The following MAEA variants were observed in gnomAD, a reference collection of about 807,000 sequenced individuals.
MAEA encodes the protein macrophage erythroblast attacher, E3 ubiquitin ligase.
Under a neutral mutation model 46.2 loss-of-function variants are expected in MAEA, and 22 were observed. The observed-to-expected ratio is 0.48, with a 90% CI of 0.34 to 0.68. MAEA has a LOEUF of 0.68. Among genes scored for constraint, MAEA ranks in the 30% least tolerant of loss-of-function variants. The pLI, the probability that MAEA is intolerant of heterozygous loss-of-function variation, is 0.01. For synonymous variants in MAEA, 246 were observed against 222.6 expected (o/e 1.11, Z -0.94); for missense variants, 393 against 558.1 (o/e 0.70, Z 2.98).
chr4:1,309,783 T>G, intron 1 of MAEA: 1 of 1,431,672 alleles, frequency 7.0e-7, no homozygotes, highest in Non-Finnish European at 9.2e-7. Flanking sequence ...CAGGGCCTTT[T>G]CCCTTGCACT....
chr4:1,339,177 G>T lies in MAEA; in HGVS notation c.*8G>T. 6.2e-7 allele frequency: 1 copy of T among 1,611,306 alleles called. No individual in the cohort carries two copies. The highest frequency in any genetic ancestry group is 1.3e-5 in the African/African-American group (1 of 75,006). ...AAGGTGTACATCATGTAGGCCCCAC[G>T]TCGTGAAGCGCACGCCTCGGGGACG... On this transcript the variant is annotated 3_prime_UTR_variant, in exon 9 of 9. Coordinates refer to ENST00000303400, the MANE Select transcript of MAEA (RefSeq NM_001017405.3).
At chr4:1,320,257 A>C (rs778612649) in intron 3 of MAEA, among the ~76,000 whole-genome samples, 2 of 151,366 alleles carry the variant, frequency 1.3e-5, no homozygotes, top group Non-Finnish European at 2.9e-5. Flanking sequence ...GCAAACGTGC[A>C]AGAAAACTCT....
Position 1,291,000 on chromosome 4 carries a change from CAG to C in MAEA, c.69+1019_69+1020del, listed in dbSNP as rs553228796. 1.6e-3 allele frequency among the ~76,000 whole-genome samples: 243 copies of C among 152,320 alleles called. 3 individuals are homozygous for C. The highest frequency in any genetic ancestry group is 0.014 in the Admixed American group (217 of 15,308). On this transcript the variant is annotated intron_variant, in intron 1 of 8. Transcript: ENST00000303400. ...AGCAGTGGTAGCGCCTGTGTCACCT[CAG>C]GGTGAAATGAGTGACCACGTATTGT...
chr4:1,329,236 A>C (rs1032933867), intron 5 of MAEA: 8 of 985,180 alleles, frequency 8.1e-6, no homozygotes, highest in African/African-American at 7.0e-5. Context: ...TGCCTGTGTT[A>C]CCCTGGCTCC....
intron 3 of MAEA, among the ~76,000 whole-genome samples, chr4:1,320,606 C>G (rs1349187897): frequency 6.7e-6 from 1 of 148,802 alleles, no homozygotes; most frequent in Non-Finnish European, 1.5e-5. Context: ...AGCAAACGTG[C>G]AAGAAAACGC....
intron 3 of MAEA, among the ~76,000 whole-genome samples, chr4:1,318,404 G>C (rs958527608): frequency 1.8e-4 from 28 of 152,246 alleles, no homozygotes; most frequent in African/African-American, 6.5e-4. Flanking sequence ...GCGTAGAGCA[G>C]GGTGGATATG....
intron 1 of MAEA, among the ~76,000 whole-genome samples, chr4:1,298,675 T>TCC (rs1026754272): frequency 6.6e-6 from 1 of 151,966 alleles, no homozygotes; most frequent in Non-Finnish European, 1.5e-5. Flanking sequence ...TCCTCGCGTT[T>TCC]CCCCCCGGGC....
chr4:1,305,869 C>T (rs1735781155), intron 1 of MAEA, among the ~76,000 whole-genome samples: 1 of 152,254 alleles, frequency 6.6e-6, no homozygotes, highest in African/African-American at 2.4e-5. Context: ...GTTCCAGTCT[C>T]AGTCTCAAGG....
intron 3 of MAEA, among the ~76,000 whole-genome samples, chr4:1,320,038 A>C (rs189538191): frequency 6.6e-6 from 1 of 151,602 alleles, no homozygotes; most frequent in African/African-American, 2.4e-5. Flanking sequence ...CCAGAAAAGA[A>C]ATCATCAAAG....
chr4:1,309,929 A>G, intron 1 of MAEA: 1 of 1,286,066 alleles, frequency 7.8e-7, no homozygotes, highest in South Asian at 2.7e-5. Flanking sequence ...TCCCGCGTAG[A>G]ACTTGAATGC....
chr4:1,329,000 G>A (rs1368892258), intron 5 of MAEA: 7 of 987,054 alleles, frequency 7.1e-6, no homozygotes, highest in South Asian at 4.6e-5. Context: ...TCTGGCCTCC[G>A]TGTGGCCTCG....
rs1367161333 is a variant in MAEA, at chr4:1,338,491, G to A, written c.969G>A (p.Lys323=). 4.3e-6 allele frequency: 7 copies of A among 1,613,148 alleles called. No homozygotes were observed. Among genetic ancestry groups the A allele is most frequent in the Non-Finnish European group, 5.1e-6 (6 of 1,179,984 alleles). The change falls in exon 8 of 9, where the codon AAG becomes AAA. Residue 323 remains lysine (K), a synonymous_variant. Transcript: ENST00000303400. ...CTGTGTGCAGCCGCTCCCTGAACAA[G>A]CTGGCGCAGCCCCTGCCCATGGCCC... ...DCPVCSRSLN[K]LAQPLPMAHC...
At chr4:1,338,395 C>A (rs759614138) in intron 7 of MAEA, 27 bp from the exon 8 acceptor site, 1 of 1,593,312 alleles carries the variant, frequency 6.3e-7, no homozygotes, top group Non-Finnish European at 8.6e-7. Context: ...TGAGTGGCCC[C>A]CAACCCTTCC....
At chr4:1,301,989 C>T (rs1266228949) in intron 1 of MAEA, among the ~76,000 whole-genome samples, 2 of 152,202 alleles carry the variant, frequency 1.3e-5, no homozygotes, top group Non-Finnish European at 2.9e-5. Flanking sequence ...CATCCCACCT[C>T]CTTCTATGAG....
intron 1 of MAEA, among the ~76,000 whole-genome samples, chr4:1,305,250 G>A (rs868830608): frequency 3.9e-5 from 6 of 152,240 alleles, no homozygotes; most frequent in Middle Eastern, 3.4e-3. Context: ...ATTGCCAGGT[G>A]TCCCCTGGGG....
At chr4:1,312,468 C>G in intron 2 of MAEA, 1 of 300,912 alleles carries the variant, frequency 3.3e-6, no homozygotes, top group Non-Finnish European at 5.8e-6. Context: ...CCCACTGTGT[C>G]ATTCAGGCTG....
intron 1 of MAEA, among the ~76,000 whole-genome samples, chr4:1,292,566 T>C (rs1734201479): frequency 6.6e-6 from 1 of 152,066 alleles, no homozygotes; most frequent in Non-Finnish European, 1.5e-5. Context: ...TTGTCGGTGG[T>C]GGGGGCTGTG....
chr4:1,330,042 G>C, intron 5 of MAEA: 2 of 985,484 alleles, frequency 2.0e-6, no homozygotes, highest in Non-Finnish European at 2.4e-6. Flanking sequence ...TGCTGGGCCG[G>C]GCAGGGGGCC....
At chr4:1,318,576 G>A (rs999321144) in intron 3 of MAEA, among the ~76,000 whole-genome samples, 12 of 152,162 alleles carry the variant, frequency 7.9e-5, no homozygotes, top group Non-Finnish European at 1.5e-4. Context: ...ACTGGGTTGC[G>A]GGGGAGGGGT....
Sources: allele counts gnomAD v4.1 joint callset (sites outside exome capture counted in the v4.1 genomes callset), GRCh38; gene constraint gnomAD v4.1.1; transcripts MANE v1.5; gene names NCBI Gene and HGNC (gene_info 2026-07-23, HGNC 2026-07-21).